Variants in DENND5A observed in about 807,000 individuals in gnomAD.
The protein encoded by DENND5A is DENN domain containing 5A.
A neutral mutation model predicts 140.3 loss-of-function variants in DENND5A; 64 were observed. The ratio of observed to expected loss-of-function variants is 0.46; its 90% CI spans 0.37 to 0.56. The LOEUF is 0.56. DENND5A is among the 20% of genes least tolerant of loss of function. The probability of loss-of-function intolerance (pLI) is 0.00; values close to 1 mark genes in which losing one functional copy is unlikely to be tolerated. For synonymous variants in DENND5A, 605 were observed against 607.7 expected (o/e 1.00, Z 0.07); for missense variants, 1,292 against 1,593.8 (o/e 0.81, Z 3.22).
At chr11:9,195,021 T>C (rs1849273074) in intron 4 of DENND5A, among the ~76,000 whole-genome samples, 1 of 95,038 alleles carries the variant, frequency 1.1e-5, no homozygotes, top group Non-Finnish European at 2.1e-5. Context: ...CCAGCCAGCC[T>C]TTTTTTTTTT....
chr11:9,236,688 C>T (rs1851017482), intron 1 of DENND5A, among the ~76,000 whole-genome samples: 1 of 151,776 alleles, frequency 6.6e-6, no homozygotes, highest in Non-Finnish European at 1.5e-5. Flanking sequence ...TTGAGACCAG[C>T]CTGGGCAACA....
chr11:9,195,909 G>C (rs1048004365), intron 4 of DENND5A, among the ~76,000 whole-genome samples: 2 of 152,108 alleles, frequency 1.3e-5, no homozygotes, highest in African/African-American at 4.8e-5. Context: ...AAAAAAAAAG[G>C]ATGTCTTTTA....
intron 1 of DENND5A, 58 bp from the exon 2 acceptor site, chr11:9,207,690 T>C (rs1455440437): frequency 8.4e-7 from 1 of 1,193,858 alleles, no homozygotes. Flanking sequence ...TCAAACTTTT[T>C]TGACCATTAT....
rs147701869 is a variant in DENND5A at position 9,207,618 on chromosome 11, T to G, written c.124A>C (p.Ile42Leu). 1 of 1,610,892 alleles carries G rather than the reference T, an allele frequency of 6.2e-7. No homozygotes were observed. The highest frequency in any genetic ancestry group is 2.2e-5 in the East Asian group (1 of 44,832). Reference sequence around the variant, plus strand: ...CCATCCCTGGCTTTAGAAGCCTGTATGTACTGGCATAATGCTATATGATAA... The same window carrying G: ...CCATCCCTGGCTTTAGAAGCCTGTAGGTACTGGCATAATGCTATATGATAA... ...PDELSALCQY[I>L]QASKARDGAS... Residue 42 changes from isoleucine to leucine, a missense_variant, in exon 2 of 23, where the codon ATA becomes CTA. Transcript: ENST00000328194.
At chr11:9,241,620 T>C (rs1048506765) in intron 1 of DENND5A, among the ~76,000 whole-genome samples, 4 of 152,180 alleles carry the variant, frequency 2.6e-5, no homozygotes, top group African/African-American at 9.6e-5. Flanking sequence ...CTGCCTGAAA[T>C]ACGTTTCTCC....
chr11:9,222,801 A>G (rs1850365959), intron 1 of DENND5A, among the ~76,000 whole-genome samples: 1 of 152,240 alleles, frequency 6.6e-6, no homozygotes. Flanking sequence ...AAAAGCAAAG[A>G]GGCCTCAAGA....
intron 1 of DENND5A, among the ~76,000 whole-genome samples, chr11:9,236,947 A>G (rs1851028358): frequency 1.3e-5 from 2 of 152,340 alleles, no homozygotes; most frequent in Admixed American, 6.5e-5. Context: ...TATTTAGAAC[A>G]CATACAACAA....
chr11:9,165,216 G>A (rs956777219), intron 11 of DENND5A, among the ~76,000 whole-genome samples: 1 of 152,012 alleles, frequency 6.6e-6, no homozygotes, highest in Non-Finnish European at 1.5e-5. Context: ...TGGCCAGGCT[G>A]GTCTTGAACT....
intron 10 of DENND5A, among the ~76,000 whole-genome samples, chr11:9,169,112 T>C (rs1260804271): frequency 6.6e-6 from 1 of 152,252 alleles, no homozygotes; most frequent in African/African-American, 2.4e-5. Flanking sequence ...TCTGTTTCAA[T>C]TTAAGGTAAG....
At chr11:9,257,364 G>A (rs1012355326) in intron 1 of DENND5A, among the ~76,000 whole-genome samples, 6 of 150,028 alleles carry the variant, frequency 4.0e-5, no homozygotes, top group Admixed American at 1.3e-4. Flanking sequence ...CTGGGAGGTC[G>A]AGGCTGCAGT....
chr11:9,243,566 C>G (rs1851333793), intron 1 of DENND5A, among the ~76,000 whole-genome samples: 1 of 152,106 alleles, frequency 6.6e-6, no homozygotes, highest in Non-Finnish European at 1.5e-5. Flanking sequence ...TTTAAATGAT[C>G]CACTTCCACT....
At chr11:9,208,415 AT>A (rs1291323698) in intron 1 of DENND5A, among the ~76,000 whole-genome samples, 1 of 152,222 alleles carries the variant, frequency 6.6e-6, no homozygotes, top group Non-Finnish European at 1.5e-5. Context: ...ACTTGTGGTT[AT>A]TAAGGAAAAT....
chr11:9,247,100 G>A (rs1164543282), intron 1 of DENND5A, among the ~76,000 whole-genome samples: 1 of 152,020 alleles, frequency 6.6e-6, no homozygotes, highest in Admixed American at 6.6e-5. Flanking sequence ...CATGGTGGCA[G>A]GCGCCTGTAG....
chr11:9,185,195 A>T (rs1050085284), intron 5 of DENND5A, among the ~76,000 whole-genome samples: 2 of 152,112 alleles, frequency 1.3e-5, no homozygotes, highest in East Asian at 1.9e-4. Flanking sequence ...TGGACCAATT[A>T]AAAAAAACCC....
At chr11:9,211,622 T>A (rs911924339) in intron 1 of DENND5A, among the ~76,000 whole-genome samples, 3 of 152,048 alleles carry the variant, frequency 2.0e-5, no homozygotes, top group African/African-American at 7.2e-5. Context: ...AAAGCAGCTA[T>A]GATCATAATG....
intron 1 of DENND5A, among the ~76,000 whole-genome samples, chr11:9,234,976 G>A (rs913741074): frequency 2.6e-5 from 4 of 152,028 alleles, no homozygotes; most frequent in East Asian, 1.9e-4. Flanking sequence ...CTCCTCTAGC[G>A]CCGCTGGGTT....
rs773366039 is a variant in DENND5A, at chr11:9,203,867, G to C, written c.742C>G (p.Leu248Val). ...LPLESYIYNV[L>V]YEVPLPPPGR... is the part of the protein sequence containing the mutation. ...GGAGGTGGGAGCGGCACCTCGTAGA[G>C]TACGTTGTATATGTAGCTCTCAAGG... The change falls in exon 4 of 23, where the codon CTC becomes GTC. Residue 248 changes from leucine (L) to valine (V), a missense_variant. Around this residue, in one of 4 missense-constraint regions of DENND5A, gnomAD observed 566 missense variants for 650.4 expected, o/e 0.87. Transcript: ENST00000328194. 9 of 1,614,070 alleles carry C rather than the reference G, an allele frequency of 5.6e-6. No homozygotes were observed. In the South Asian group the frequency reaches 9.9e-5, roughly 18 times the overall value.
chr11:9,180,278 C>A (rs1032984915), intron 6 of DENND5A, among the ~76,000 whole-genome samples: 1 of 151,448 alleles, frequency 6.6e-6, no homozygotes, highest in African/African-American at 2.4e-5. Context: ...ATAGTGAGAC[C>A]CTGCCTCTAC....
chr11:9,150,361 C>T, intron 14 of DENND5A, 152 bp from the exon 15 acceptor site: 1 of 1,015,534 alleles, frequency 9.8e-7, no homozygotes, highest in Non-Finnish European at 1.4e-6. Flanking sequence ...ACTGGGCTTC[C>T]ATGTAGCTTT....
Sources: allele counts gnomAD v4.1 joint callset (sites outside exome capture counted in the v4.1 genomes callset), GRCh38; gene constraint gnomAD v4.1.1; regional missense constraint gnomAD v4.1.1; transcripts MANE v1.5; gene names NCBI Gene and HGNC (gene_info 2026-07-23, HGNC 2026-07-21).